NXPH1: variants seen among roughly 807,000 people sequenced by gnomAD.
NXPH1 encodes the protein neurexophilin 1, also known as neurexophilin-1.
NXPH1 carries 5 observed loss-of-function variants against 23.7 expected under a neutral mutation model. The ratio of observed to expected loss-of-function variants is 0.21; its 90% CI spans 0.11 to 0.44. The LOEUF (loss-of-function observed/expected upper bound fraction) is 0.44, where lower values mean the gene tolerates loss of function less well. Among genes scored for constraint, NXPH1 ranks in the 20% least tolerant of loss-of-function variants. NXPH1 has a pLI of 0.99. For synonymous variants in NXPH1, 144 were observed against 122.2 expected, an observed-to-expected ratio of 1.18 and a Z score of -1.18; for missense variants, 324 against 321.6, an observed-to-expected ratio of 1.01 and a Z score of -0.06.
At chr7:8,730,823 A>G (rs1168867160) in intron 2 of NXPH1, among the ~76,000 whole-genome samples, 2 of 150,056 alleles carry the variant, frequency 1.3e-5, no homozygotes, top group African/African-American at 2.5e-5. Context: ...TGTGTCTTGG[A>G]GTTGCTCTTC....
At chr7:8,727,945 T>C (rs1258269796) in intron 2 of NXPH1, among the ~76,000 whole-genome samples, 119 of 151,602 alleles carry the variant, frequency 7.8e-4, no homozygotes, top group Non-Finnish European at 8.1e-4. Flanking sequence ...GCCATTTTCA[T>C]GATATTGATT....
chr7:8,688,989 G>C (rs1166592075), intron 2 of NXPH1, among the ~76,000 whole-genome samples: 2 of 152,050 alleles, frequency 1.3e-5, no homozygotes, highest in Admixed American at 1.3e-4. Flanking sequence ...CTCTTCTGGT[G>C]CTTTCCTTAA....
intron 2 of NXPH1, among the ~76,000 whole-genome samples, chr7:8,471,899 T>C (rs966523588): frequency 6.6e-6 from 1 of 152,094 alleles, no homozygotes; most frequent in Non-Finnish European, 1.5e-5. Flanking sequence ...AAATGGTGTT[T>C]ACCATAAAGC....
At chr7:8,441,987 G>T (rs1261550683) in intron 2 of NXPH1, among the ~76,000 whole-genome samples, 1 of 152,122 alleles carries the variant, frequency 6.6e-6, no homozygotes, top group Non-Finnish European at 1.5e-5. Flanking sequence ...GTTGCCGAAA[G>T]TTCCTTAGGC....
chr7:8,740,586 T>A (rs1204209151), intron 2 of NXPH1, among the ~76,000 whole-genome samples: 1 of 152,224 alleles, frequency 6.6e-6, no homozygotes, highest in East Asian at 1.9e-4. Flanking sequence ...TGGAGCCTAC[T>A]GGGTTAAGAG....
intron 2 of NXPH1, among the ~76,000 whole-genome samples, chr7:8,747,006 T>C (rs930057816): frequency 1.3e-5 from 2 of 152,170 alleles, no homozygotes; most frequent in Non-Finnish European, 2.9e-5. Context: ...GGTAAAAATA[T>C]CTGGTGATGA....
chr7:8,647,285 C>T (rs1275804949), intron 2 of NXPH1, among the ~76,000 whole-genome samples: 1 of 152,104 alleles, frequency 6.6e-6, no homozygotes, highest in Middle Eastern at 3.2e-3. Context: ...GACATCCAGG[C>T]CCAGCGCAGG....
chr7:8,732,870 A>G (rs1478678003), intron 2 of NXPH1, among the ~76,000 whole-genome samples: 1 of 152,036 alleles, frequency 6.6e-6, no homozygotes, highest in Non-Finnish European at 1.5e-5. Flanking sequence ...GAAATTTATA[A>G]TTTTTTAAAT....
chr7:8,672,092 T>C (rs1820877567), intron 2 of NXPH1, among the ~76,000 whole-genome samples: 1 of 152,160 alleles, frequency 6.6e-6, no homozygotes, highest in Non-Finnish European at 1.5e-5. Context: ...GTGTAGAAGC[T>C]CTTTAGTTTA....
intron 2 of NXPH1, among the ~76,000 whole-genome samples, chr7:8,714,083 G>T (rs1779840274): frequency 6.6e-6 from 1 of 152,220 alleles, no homozygotes; most frequent in East Asian, 1.9e-4. Flanking sequence ...AGGGTCTAGA[G>T]TGTGAAATCT....
intron 2 of NXPH1, among the ~76,000 whole-genome samples, chr7:8,658,572 TA>T (rs1426437210): frequency 6.6e-6 from 1 of 152,236 alleles, no homozygotes; most frequent in Non-Finnish European, 1.5e-5. Context: ...TTCAGACATT[TA>T]AAAAAGGTTT....
intron 2 of NXPH1, among the ~76,000 whole-genome samples, chr7:8,730,973 T>C (rs1381913660): frequency 1.0e-4 from 15 of 147,840 alleles, no homozygotes; most frequent in African/African-American, 3.8e-4. Flanking sequence ...CACTTTCAGG[T>C]ACACCAATCA....
At position 8,434,150 on chromosome 7, in the gene NXPH1, C is replaced by G. The variant is rs1260128374; in HGVS notation, c.-716C>G. 1 of 152,698 alleles carries G rather than the reference C, an allele frequency of 6.5e-6. No homozygotes were observed. The highest frequency in any genetic ancestry group is 1.5e-5 in the Non-Finnish European group (1 of 68,408). The allele number at this position is 152,698 out of a possible 1,614,324, so 9.5% of individuals were successfully genotyped here. On this transcript the variant is annotated 5_prime_UTR_variant, in exon 1 of 3. Transcript: ENST00000405863. This position sits in a 1 kb window ranked among gnomAD's most constrained non-coding sequence, Gnocchi z 7.6. ...AGCGTCGCGGGTAGAGGTACAGCTGCTCCGTGTGCCGCAGGCTCCAGATTC... is the reference window on the plus strand; with the variant it reads ...AGCGTCGCGGGTAGAGGTACAGCTGGTCCGTGTGCCGCAGGCTCCAGATTC...
intron 2 of NXPH1, among the ~76,000 whole-genome samples, chr7:8,541,287 C>A (rs1161367284): frequency 6.6e-6 from 1 of 151,486 alleles, no homozygotes; most frequent in Non-Finnish European, 1.5e-5. Flanking sequence ...AGAGATTATC[C>A]AAAATGAAAC....
intron 2 of NXPH1, among the ~76,000 whole-genome samples, chr7:8,464,570 A>G (rs898738728): frequency 2.0e-5 from 3 of 152,194 alleles, no homozygotes; most frequent in African/African-American, 7.2e-5. Context: ...CCTCCTTAAC[A>G]TATATCACTT....
intron 2 of NXPH1, among the ~76,000 whole-genome samples, chr7:8,664,191 C>G (rs1018720430): frequency 1.3e-5 from 2 of 152,032 alleles, no homozygotes; most frequent in African/African-American, 4.8e-5. Context: ...TATCCCATCT[C>G]CTCCCTCAAG....
intron 2 of NXPH1, among the ~76,000 whole-genome samples, chr7:8,681,442 A>C (rs1399832703): frequency 6.6e-6 from 1 of 152,206 alleles, no homozygotes; most frequent in Non-Finnish European, 1.5e-5. Context: ...TATATATGAC[A>C]TAAATTGTAA....
intron 2 of NXPH1, among the ~76,000 whole-genome samples, chr7:8,729,176 G>A (rs199712008): frequency 6.0e-5 from 9 of 151,104 alleles, no homozygotes; most frequent in East Asian, 3.9e-4. Context: ...CTGTGGGATC[G>A]GTGGTGATAT....
intron 2 of NXPH1, among the ~76,000 whole-genome samples, chr7:8,560,890 T>C (rs536996124): frequency 6.6e-6 from 1 of 151,818 alleles, no homozygotes; most frequent in Admixed American, 6.6e-5. Context: ...CTTCCACACA[T>C]TGTTATTCAT....
Sources: allele counts gnomAD v4.1 joint callset (sites outside exome capture counted in the v4.1 genomes callset), GRCh38; gene constraint gnomAD v4.1.1; non-coding constraint Gnocchi (gnomAD v3.1); transcripts MANE v1.5; gene names NCBI Gene and HGNC (gene_info 2026-07-23, HGNC 2026-07-21).